Variants in GNB4 observed in about 807,000 individuals in gnomAD.
GNB4 encodes guanine nucleotide-binding protein subunit beta-4.
In GNB4, 28 loss-of-function variants were observed where a neutral mutation model predicts 45.2. The ratio of observed to expected loss-of-function variants is 0.62; its 90% confidence interval spans 0.46 to 0.85. The LOEUF is 0.85. Among genes scored for constraint, GNB4 ranks in the 40% least tolerant of loss-of-function variants. The pLI is 0.00. For synonymous variants in GNB4, 132 were observed against 143.7 expected (o/e 0.92, Z 0.58); for missense variants, 321 against 425.4 (o/e 0.75, Z 2.16).
the GNB4 span, among the ~76,000 whole-genome samples, chr3:179,477,916 T>A: frequency 9.9e-5 from 15 of 152,160 alleles, no homozygotes; most frequent in African/African-American, 3.6e-4. Flanking sequence ...TTAGCAACAG[T>A]CCCACTCTCA....
intron 1 of GNB4, among the ~76,000 whole-genome samples, chr3:179,439,185 T>A (rs928706974): frequency 2.0e-5 from 3 of 152,214 alleles, no homozygotes; most frequent in African/African-American, 7.2e-5. Context: ...TGAGATCCAC[T>A]GGTCTAAGCT....
chr3:179,435,470 CAAAAAA>C (rs11389978), intron 1 of GNB4, among the ~76,000 whole-genome samples: 6 of 96,062 alleles, frequency 6.2e-5, no homozygotes, highest in South Asian at 3.6e-4. Flanking sequence ...CTTTCTTTTA[CAAAAAA>C]AAAAAAAAAA....
At chr3:179,404,118 A>C (rs536441907) in intron 9 of GNB4, among the ~76,000 whole-genome samples, 1 of 152,344 alleles carries the variant, frequency 6.6e-6, no homozygotes, top group African/African-American at 2.4e-5. Flanking sequence ...GAAACTAAGA[A>C]TATAAACCAA....
chr3:179,428,213 A>G (rs1338387689), intron 1 of GNB4, among the ~76,000 whole-genome samples: 3 of 152,272 alleles, frequency 2.0e-5, no homozygotes, highest in Non-Finnish European at 4.4e-5. Flanking sequence ...ATTAAGGTAT[A>G]TAAAACAGTT....
the GNB4 span, among the ~76,000 whole-genome samples, chr3:179,515,000 G>A: frequency 6.6e-6 from 1 of 151,826 alleles, no homozygotes; most frequent in East Asian, 1.9e-4. Context: ...TTAAATAAGT[G>A]AGATTGACTT....
Position 179,401,058 on chromosome 3 carries a change from CT to C in GNB4, c.*154del, listed in dbSNP as rs941418731. 9.7e-4 allele frequency: 492 copies of C among 504,758 alleles called. No individual in the cohort carries two copies. The highest frequency in any genetic ancestry group is 2.0e-3 in the South Asian group (50 of 25,068). The allele number at this position is 504,758 out of a possible 1,614,324, so 31.3% of individuals were successfully genotyped here. A position where few individuals can be genotyped will look rare whatever the true frequency, so the allele number is the denominator to read the frequency against. On this transcript the variant is annotated 3_prime_UTR_variant, in exon 10 of 10. Coordinates refer to ENST00000232564, the MANE Select transcript of GNB4 (RefSeq NM_021629.4). ...CTTTGCCTTTTTTCCTCCACCCCCA[CT>C]TTTTTTTTGGTAGTTTACTGAAAGC...
the GNB4 span, among the ~76,000 whole-genome samples, chr3:179,515,670 A>G: frequency 1.3e-5 from 2 of 152,222 alleles, no homozygotes; most frequent in African/African-American, 4.8e-5. Context: ...ATGATGGATT[A>G]GCTTGGGCTC....
chr3:179,402,294 T>C (rs1321588860), intron 9 of GNB4, among the ~76,000 whole-genome samples: 1 of 152,208 alleles, frequency 6.6e-6, no homozygotes. Context: ...AACCAGCTTG[T>C]AGGCAAAGCA....
the GNB4 span, among the ~76,000 whole-genome samples, chr3:179,495,582 G>T: frequency 6.6e-6 from 1 of 150,652 alleles, no homozygotes; most frequent in Admixed American, 6.7e-5. Flanking sequence ...AAGAAAGAAA[G>T]GAAGCAGGGA....
chr3:179,432,433 C>T (rs531202417), intron 1 of GNB4, among the ~76,000 whole-genome samples: 32 of 152,232 alleles, frequency 2.1e-4, no homozygotes, highest in African/African-American at 6.7e-4. Context: ...CAGCCAACAA[C>T]TGTTGGATTC....
At chr3:179,425,871 A>G (rs1438966044) in intron 2 of GNB4, among the ~76,000 whole-genome samples, 6 of 152,152 alleles carry the variant, frequency 3.9e-5, no homozygotes, top group African/African-American at 7.2e-5. Flanking sequence ...CCAAAAATCT[A>G]TGATTCTAGG....
chr3:179,527,009 G>A, the GNB4 span, among the ~76,000 whole-genome samples: 1 of 152,170 alleles, frequency 6.6e-6, no homozygotes, highest in African/African-American at 2.4e-5. Flanking sequence ...CCAACCCCAG[G>A]ATAAGACTGT....
chr3:179,474,737 C>CTTTTTTTTTT, the GNB4 span, among the ~76,000 whole-genome samples: 432 of 59,710 alleles, frequency 7.2e-3, 1 homozygote, highest in Non-Finnish European at 8.1e-3. Flanking sequence ...AGACTGGGTC[C>CTTTTTTTTTT]TTTTTTTTTT....
the GNB4 span, among the ~76,000 whole-genome samples, chr3:179,527,515 C>G: frequency 6.6e-6 from 1 of 152,080 alleles, no homozygotes; most frequent in South Asian, 2.1e-4. Context: ...TATTCATTAT[C>G]CCATTTAATT....
At chr3:179,501,180 T>C in the GNB4 span, among the ~76,000 whole-genome samples, 1 of 152,212 alleles carries the variant, frequency 6.6e-6, no homozygotes, top group Non-Finnish European at 1.5e-5. Flanking sequence ...TCCAGATCTC[T>C]TCTCTTTCTT....
the GNB4 span, among the ~76,000 whole-genome samples, chr3:179,456,832 C>T: frequency 1.3e-5 from 2 of 152,006 alleles, no homozygotes; most frequent in Non-Finnish European, 2.9e-5. Flanking sequence ...ATGTACCTTT[C>T]GAGACTGTCT....
intron 2 of GNB4, among the ~76,000 whole-genome samples, chr3:179,425,743 T>C (rs547349984): frequency 6.6e-6 from 1 of 152,210 alleles, no homozygotes; most frequent in African/African-American, 2.4e-5. Context: ...AGTGCTGGGA[T>C]TACAGGCATG....
At chr3:179,481,317 A>G in the GNB4 span, among the ~76,000 whole-genome samples, 3 of 150,990 alleles carry the variant, frequency 2.0e-5, no homozygotes, top group Admixed American at 1.3e-4. Context: ...GCAAAGTTAA[A>G]CTTTTTTTCT....
intron 1 of GNB4, among the ~76,000 whole-genome samples, chr3:179,443,925 T>C (rs1047101844): frequency 1.3e-5 from 2 of 152,216 alleles, no homozygotes; most frequent in Non-Finnish European, 2.9e-5. Context: ...AGAATATTCA[T>C]TTTTAGTTAC....
Sources: allele counts gnomAD v4.1 joint callset (sites outside exome capture counted in the v4.1 genomes callset), GRCh38; gene constraint gnomAD v4.1.1; transcripts MANE v1.5; gene names NCBI Gene and HGNC (gene_info 2026-07-23, HGNC 2026-07-21).